TBC1D5: variants seen among roughly 807,000 people sequenced by gnomAD.
TBC1D5 encodes TBC1 domain family, member 5.
In TBC1D5, 75 loss-of-function variants were observed where a neutral mutation model predicts 100.3. The observed-to-expected ratio is 0.75, with a 90% CI of 0.62 to 0.91. The LOEUF (loss-of-function observed/expected upper bound fraction) is 0.91. Among genes scored for constraint, TBC1D5 ranks in the 40% least tolerant of loss-of-function variants. TBC1D5 has a pLI of 0.00. For synonymous variants in TBC1D5, 323 were observed against 325.6 expected, an observed-to-expected ratio of 0.99 and a Z score of 0.09; for missense variants, 910 against 942.4, an observed-to-expected ratio of 0.97 and a Z score of 0.45.
chr3:17,375,610 T>C (rs1260376519), intron 10 of TBC1D5, among the ~76,000 whole-genome samples: 3 of 151,140 alleles, frequency 2.0e-5, no homozygotes, highest in African/African-American at 7.3e-5. Flanking sequence ...ACTAACTTCA[T>C]GTTTAAATTT....
At chr3:17,286,528 T>C (rs2150046984) in intron 15 of TBC1D5, among the ~76,000 whole-genome samples, 1 of 152,288 alleles carries the variant, frequency 6.6e-6, no homozygotes, top group East Asian at 1.9e-4. Context: ...TCTAATATGA[T>C]AAAGACAAGA....
At chr3:17,237,694 G>A (rs933227844) in intron 17 of TBC1D5, among the ~76,000 whole-genome samples, 2 of 152,196 alleles carry the variant, frequency 1.3e-5, no homozygotes, top group African/African-American at 2.4e-5. Flanking sequence ...ATTCTAGTTT[G>A]TATTCCTTAG....
rs2094542424 is a variant in TBC1D5 at position 17,436,735 on chromosome 3, A to G, written c.98-8216T>C. Among the ~76,000 whole-genome samples the G allele has an allele frequency of 3.3e-5, 5 of 152,318 alleles. No individual in the cohort carries two copies. In the South Asian group the frequency reaches 1.0e-3, roughly 32 times the overall value. ...TATATAAATGTTTCTTGAAACTGAT[A>G]AAAGATAAAAAACTAAAACCATGGT... On this transcript the variant is annotated intron_variant, in intron 3 of 21. Coordinates refer to ENST00000253692, the Ensembl canonical transcript of TBC1D5.
At chr3:17,502,388 C>G (rs2095797162) in intron 3 of TBC1D5, among the ~76,000 whole-genome samples, 1 of 149,394 alleles carries the variant, frequency 6.7e-6, no homozygotes, top group Non-Finnish European at 1.5e-5. Flanking sequence ...GACATCTTAG[C>G]TTCTTTGGTA....
chr3:17,513,850 T>C (rs376480801), intron 2 of TBC1D5, among the ~76,000 whole-genome samples: 2 of 152,188 alleles, frequency 1.3e-5, no homozygotes, highest in Non-Finnish European at 2.9e-5. Context: ...ATATGACATA[T>C]GGGGTATAAA....
chr3:17,331,244 A>T (rs865792002), intron 13 of TBC1D5, among the ~76,000 whole-genome samples: 1 of 151,382 alleles, frequency 6.6e-6, no homozygotes, highest in Non-Finnish European at 1.5e-5. Context: ...CCAACTCCCA[A>T]CTCCAGCCCC....
chr3:17,742,323 T>TGCGGCTGCAGCA (rs1165504895), upstream of TBC1D5, among the ~76,000 whole-genome samples: 28 of 152,088 alleles, frequency 1.8e-4, no homozygotes, highest in Admixed American at 7.9e-4. Context: ...CGGCGGCGGC[T>TGCGGCTGCAGCA]GCGGCTGCAG....
At chr3:17,430,955 C>T (rs955458807) in intron 3 of TBC1D5, among the ~76,000 whole-genome samples, 2 of 151,808 alleles carry the variant, frequency 1.3e-5, no homozygotes, top group Non-Finnish European at 3.0e-5. Flanking sequence ...TTCATTTAAG[C>T]TATAATATGA....
intron 2 of TBC1D5, among the ~76,000 whole-genome samples, chr3:17,616,607 T>G (rs552107107): frequency 1.3e-5 from 2 of 152,232 alleles, no homozygotes; most frequent in Non-Finnish European, 2.9e-5. Context: ...GATAGTTAGC[T>G]CTTCTTGTTG....
chr3:17,660,976 T>A (rs2066587102), intron 1 of TBC1D5, among the ~76,000 whole-genome samples: 1 of 152,186 alleles, frequency 6.6e-6, no homozygotes, highest in African/African-American at 2.4e-5. Flanking sequence ...GCTTTCTTAA[T>A]CCACTAAAAG....
intron 3 of TBC1D5, among the ~76,000 whole-genome samples, chr3:17,448,590 T>C (rs147735449): frequency 6.6e-6 from 1 of 152,334 alleles, no homozygotes; most frequent in Non-Finnish European, 1.5e-5. Context: ...AACATTAATC[T>C]TGTACATCTC....
chr3:17,262,672 G>A (rs2149497267), intron 15 of TBC1D5, among the ~76,000 whole-genome samples: 1 of 151,780 alleles, frequency 6.6e-6, no homozygotes, highest in South Asian at 2.1e-4. Context: ...TAGTAGAGAT[G>A]AGGTTTCACC....
chr3:17,511,604 G>A (rs9876715), intron 2 of TBC1D5, among the ~76,000 whole-genome samples: 13,527 of 151,912 alleles, frequency 0.089, 1,315 homozygotes, highest in African/African-American at 0.25. Flanking sequence ...ATATTCATAC[G>A]TTCATTTAAG....
intron 1 of TBC1D5, among the ~76,000 whole-genome samples, chr3:17,722,178 A>G (rs2075763658): frequency 6.8e-6 from 1 of 147,356 alleles, no homozygotes; most frequent in South Asian, 2.3e-4. Flanking sequence ...TAAAAGTATC[A>G]TCAATTCTTT....
intron 1 of TBC1D5, among the ~76,000 whole-genome samples, chr3:17,636,212 T>TG (rs2063911987): frequency 6.6e-6 from 1 of 151,816 alleles, no homozygotes; most frequent in South Asian, 2.1e-4. Flanking sequence ...GTTTTTCAGA[T>TG]GGGAAAAAAA....
rs73143752 is a variant in TBC1D5, at chr3:17,193,492, C to T, written c.1753-8284G>A. ...TCAGATCACATGCTTGCCGTGGGTG[C>T]GACATATGGGGTATGGATTACAAAT... On this transcript the variant is annotated intron_variant, in intron 18 of 21. Transcript: ENST00000253692. Among the ~76,000 whole-genome samples the T allele has an allele frequency of 4.4e-3, 672 of 151,984 alleles. 2 individuals are homozygous for T. Among genetic ancestry groups the T allele is most frequent in the African/African-American group, 0.016 (643 of 41,422 alleles).
chr3:17,448,183 C>T (rs2094842712), intron 3 of TBC1D5, among the ~76,000 whole-genome samples: 1 of 152,120 alleles, frequency 6.6e-6, no homozygotes, highest in Admixed American at 6.5e-5. Context: ...CATGAGATTG[C>T]AGGAATATAT....
At chr3:17,434,987 T>C (rs533364852) in intron 3 of TBC1D5, among the ~76,000 whole-genome samples, 1 of 152,348 alleles carries the variant, frequency 6.6e-6, no homozygotes, top group East Asian at 1.9e-4. Flanking sequence ...CACCAGTCTG[T>C]TTGCATAGCA....
At chr3:17,698,534 T>C (rs1369711337) in intron 1 of TBC1D5, among the ~76,000 whole-genome samples, 3 of 151,466 alleles carry the variant, frequency 2.0e-5, no homozygotes, top group Non-Finnish European at 2.9e-5. Flanking sequence ...AAAGCCAAAA[T>C]TGACAAATGG....
Sources: allele counts gnomAD v4.1 joint callset (sites outside exome capture counted in the v4.1 genomes callset), GRCh38; gene constraint gnomAD v4.1.1; transcripts MANE v1.5; gene names NCBI Gene and HGNC (gene_info 2026-07-23, HGNC 2026-07-21).